PTPRB: variants seen among roughly 807,000 people sequenced by gnomAD.
The protein encoded by PTPRB is protein tyrosine phosphatase receptor type B.
In PTPRB, 97 loss-of-function variants were observed where a neutral mutation model predicts 238.1. That is an observed-to-expected ratio of 0.41 (90% confidence interval 0.35 to 0.48). The LOEUF is 0.48. PTPRB is among the 20% of genes least tolerant of loss of function. The pLI, the probability that PTPRB is intolerant of heterozygous loss-of-function variation, is 0.30. For synonymous variants in PTPRB, 970 were observed against 995.4 expected (o/e 0.97, Z 0.48); for missense variants, 2,292 against 2,681.9 (o/e 0.85, Z 3.21).
chr12:70,525,968 C>G (rs1170777087), intron 32 of PTPRB, among the ~76,000 whole-genome samples: 3 of 152,162 alleles, frequency 2.0e-5, no homozygotes, highest in East Asian at 3.9e-4. Flanking sequence ...TATTTCCAGA[C>G]CTTGTGTTTA....
Position 70,552,508 on chromosome 12 carries a change from A to G in PTPRB, c.5387+269T>C, listed in dbSNP as rs567443764. ...CAAAAAAAAAAAAAAAAATAATGAAAGTTGTAGAAGAAAGAACAATCTATT... is the reference window on the plus strand; with the variant it reads ...CAAAAAAAAAAAAAAAAATAATGAAGGTTGTAGAAGAAAGAACAATCTATT... On this transcript the variant is annotated intron_variant, in intron 21 of 33. Coordinates refer to ENST00000334414, the MANE Select transcript of PTPRB (RefSeq NM_001109754.4). Among the ~76,000 whole-genome samples, 27 of 150,398 alleles carry G rather than the reference A, an allele frequency of 1.8e-4. No homozygotes were observed. In the East Asian group the frequency reaches 3.9e-3, roughly 22 times the overall value.
At chr12:70,635,179 C>G (rs1371790208) in intron 2 of PTPRB, among the ~76,000 whole-genome samples, 1 of 152,142 alleles carries the variant, frequency 6.6e-6, no homozygotes, top group Non-Finnish European at 1.5e-5. Flanking sequence ...AACAGCAATA[C>G]AAGAGATTTG....
chr12:70,586,281 G>A (rs529440533), intron 9 of PTPRB, among the ~76,000 whole-genome samples: 6 of 152,026 alleles, frequency 3.9e-5, no homozygotes, highest in Admixed American at 6.6e-5. Context: ...AAAAGTGTTC[G>A]TATCTCTCCA....
intron 8 of PTPRB, 149 bp downstream of exon 8, chr12:70,589,815 G>A (rs2136455619): frequency 2.8e-6 from 2 of 706,002 alleles, no homozygotes; most frequent in East Asian, 5.3e-5. Flanking sequence ...TTAGGTGTTA[G>A]AAACCCCATG....
rs1397366590 is a variant in PTPRB, at chr12:70,555,312, G to T, written c.4994-3C>A. 1.9e-6 allele frequency: 3 copies of T among 1,608,538 alleles called. No homozygotes were observed. Among genetic ancestry groups the T allele is most frequent in the Non-Finnish European group, 1.7e-6 (2 of 1,177,994 alleles). On this transcript the variant is annotated splice_region_variant and splice_polypyrimidine_tract_variant and intron_variant, in intron 19 of 33. Coordinates refer to ENST00000334414, the MANE Select transcript of PTPRB (RefSeq NM_001109754.4). ...GTGTGGGGGTGGAGGAGGGGGGCCTGGAAAAAGAGGTGGGGAAGGAACCAA... is the reference window on the plus strand; with the variant it reads ...GTGTGGGGGTGGAGGAGGGGGGCCTTGAAAAAGAGGTGGGGAAGGAACCAA...
chr12:70,556,226 G>C, intron 18 of PTPRB, 78 bp from the exon 19 acceptor site: 4 of 1,304,628 alleles, frequency 3.1e-6, no homozygotes, highest in Non-Finnish European at 4.2e-6. Flanking sequence ...GGTCCAACTA[G>C]CTCTGAGATC....
intron 7 of PTPRB, among the ~76,000 whole-genome samples, chr12:70,590,641 C>G (rs1447799077): frequency 8.3e-6 from 1 of 120,962 alleles, no homozygotes; most frequent in East Asian, 2.6e-4. Context: ...TCTCTATAAT[C>G]TGCAGAATAA....
intron 3 of PTPRB, 115 bp downstream of exon 3, chr12:70,622,275 G>A (rs1320877018): frequency 2.1e-6 from 3 of 1,425,224 alleles, no homozygotes; most frequent in African/African-American, 1.4e-5. Flanking sequence ...GACACAGGGT[G>A]AGAGTGCCTA....
chr12:70,630,654 G>A (rs982157321), intron 2 of PTPRB, among the ~76,000 whole-genome samples: 6 of 152,238 alleles, frequency 3.9e-5, no homozygotes, highest in Admixed American at 1.3e-4. Flanking sequence ...TGACATGATT[G>A]TATATTTAGA....
Position 70,578,926 on chromosome 12 carries a change from A to G in PTPRB, c.2578+2110T>C, listed in dbSNP as rs369319827. ...GAATGTGGGTGGAAGTGAAATGCCT[A>G]CTCCCAAGTCTGATGAGTTGTACCC... On this transcript the variant is annotated intron_variant, in intron 10 of 33. Transcript: ENST00000334414. Among the ~76,000 whole-genome samples, 3 of 152,006 alleles carry G rather than the reference A, an allele frequency of 2.0e-5. No individual in the cohort carries two copies. The East Asian group carries it at 5.8e-4, about 29-fold the overall frequency.
intron 3 of PTPRB, among the ~76,000 whole-genome samples, chr12:70,621,749 A>G (rs1025730463): frequency 2.6e-5 from 4 of 152,220 alleles, no homozygotes; most frequent in African/African-American, 4.8e-5. Context: ...TTGATGTGCT[A>G]TAATTACATG....
At chr12:70,554,212 A>G (rs896337912) in intron 20 of PTPRB, among the ~76,000 whole-genome samples, 1 of 152,220 alleles carries the variant, frequency 6.6e-6, no homozygotes, top group Admixed American at 6.5e-5. Context: ...TGAGCCTAAA[A>G]TACCCATTGG....
At chr12:70,598,908 A>T (rs185674363) in intron 4 of PTPRB, among the ~76,000 whole-genome samples, 2 of 152,362 alleles carry the variant, frequency 1.3e-5, no homozygotes, top group Non-Finnish European at 2.9e-5. Flanking sequence ...AATCTTTCTG[A>T]GCCAGAAAAC....
Position 70,571,237 on chromosome 12 carries a change from C to G in PTPRB, c.3159G>C (p.Leu1053Phe), listed in dbSNP as rs748669057. Residue 1053 changes from leucine (L) to phenylalanine (F), a missense_variant, in exon 13 of 34, where the codon TTG (leucine) becomes TTC (phenylalanine). Leu to Phe is a conservative substitution (Grantham distance 22, BLOSUM62 0). Coordinates refer to ENST00000334414, the MANE Select transcript of PTPRB (RefSeq NM_001109754.4). Reference sequence around the variant, plus strand: ...CATTAGCTCCTGACCAAGTCACATGCAAGTCCTCAGTGCTCCTGTTGCGCA... The same window carrying G: ...CATTAGCTCCTGACCAAGTCACATGGAAGTCCTCAGTGCTCCTGTTGCGCA... The part of the protein sequence containing the change: ...LTLRNRSTED[L>F]HVTWSGANGD... 1.6e-5 allele frequency: 26 copies of G among 1,611,946 alleles called. 1 individual carries two copies. In the South Asian group the frequency reaches 2.3e-4, roughly 14 times the overall value.
chr12:70,607,548 CTTT>C (rs546758555), intron 4 of PTPRB, among the ~76,000 whole-genome samples: 4 of 137,110 alleles, frequency 2.9e-5, no homozygotes, highest in Non-Finnish European at 4.8e-5. Flanking sequence ...TTTTCCTTTT[CTTT>C]TTTTTTTTTT....
intron 17 of PTPRB, among the ~76,000 whole-genome samples, 197 bp from the exon 18 acceptor site, chr12:70,559,821 T>C (rs12818873): frequency 0.27 from 27,676 of 101,344 alleles, 2,661 homozygotes; most frequent in South Asian, 0.38. Flanking sequence ...TTTTATGTAC[T>C]TTTTTTTTTT....
chr12:70,552,656 C>T (rs985662444), intron 21 of PTPRB, 121 bp downstream of exon 21: 2 of 1,285,944 alleles, frequency 1.6e-6, no homozygotes, highest in Non-Finnish European at 2.1e-6. Context: ...GTAAAATGCA[C>T]AGTACTCTTG....
At chr12:70,601,988 G>T (rs920403634) in intron 4 of PTPRB, among the ~76,000 whole-genome samples, 3 of 151,498 alleles carry the variant, frequency 2.0e-5, no homozygotes, top group Non-Finnish European at 4.4e-5. Flanking sequence ...GTAGAGACGG[G>T]GTTTCACCGT....
chr12:70,527,016 A>C (rs1006018460), intron 32 of PTPRB, among the ~76,000 whole-genome samples: 1 of 152,218 alleles, frequency 6.6e-6, no homozygotes, highest in Non-Finnish European at 1.5e-5. Flanking sequence ...CTTTATTCTT[A>C]ATGAAAAGTA....
Sources: gnomAD v4.1 joint callset for allele counts (sites outside exome capture counted in the v4.1 genomes callset) on GRCh38, gnomAD v4.1.1 for gene constraint, MANE v1.5 for transcripts, NCBI Gene and HGNC (gene_info 2026-07-23, HGNC 2026-07-21) for gene names.